Variants in FRMD4B observed in about 807,000 individuals in gnomAD.
FRMD4B encodes the protein FERM domain-containing protein 4B.
A neutral mutation model predicts 141.5 loss-of-function variants in FRMD4B; 74 were observed. The observed-to-expected ratio is 0.52, with a 90% CI of 0.43 to 0.63. The LOEUF is 0.63. Ranked by LOEUF, FRMD4B falls within the 30% of genes least tolerant of loss-of-function variation. FRMD4B has a pLI of 0.00. For missense variants in FRMD4B, 1,366 were observed against 1,253.4 expected (o/e 1.09, Z -1.36); for synonymous variants, 506 against 467.9 (o/e 1.08, Z -1.05).
intron 1 of FRMD4B, among the ~76,000 whole-genome samples, chr3:69,481,082 G>A (rs1706115236): frequency 6.6e-6 from 1 of 152,204 alleles, no homozygotes; most frequent in Admixed American, 6.5e-5. Context: ...TGTTAGGGTA[G>A]GAGTGACCTG....
At position 69,193,702 on chromosome 3, in the gene FRMD4B, C is replaced by T. The variant is rs200039017; in HGVS notation, c.1660G>A (p.Glu554Lys). Reference sequence around the variant, plus strand: ...TTCTTTCCACACCTAATTCGGTATTCGTTTATTGCATTTTCAATCTCCTGA... The same window carrying T: ...TTCTTTCCACACCTAATTCGGTATTTGTTTATTGCATTTTCAATCTCCTGA... ...KLQEIENAIN[E>K]YRIRCGKKPS... The change falls in exon 17 of 23, where the codon GAA becomes AAA. Residue 554 changes from glutamate to lysine, a missense_variant. By Grantham distance (56) the Glu-to-Lys change is moderately conservative. Coordinates refer to ENST00000398540, the MANE Select transcript of FRMD4B (RefSeq NM_015123.3). The T allele has an allele frequency of 6.1e-5, 99 of 1,613,266 alleles. No homozygotes were observed. Among genetic ancestry groups the T allele is most frequent in the Non-Finnish European group, 7.7e-5 (91 of 1,179,616 alleles).
chr3:69,181,345 G>A lies in FRMD4B; in HGVS notation c.2405C>T (p.Ser802Phe). Residue 802 changes from serine to phenylalanine, a missense_variant, in exon 21 of 23, where the codon TCC becomes TTC. Physicochemically the swap from Ser to Phe is radical, Grantham distance 155. Coordinates refer to ENST00000398540, the MANE Select transcript of FRMD4B (RefSeq NM_015123.3). ...TGTGTACCCGGCAATGTAGTAACTG[G>A]AAGACGGTGGCTCCTGACTCTTTGA... is the stretch of plus-strand genomic sequence containing the variant. The part of the protein sequence containing the change: ...VYSKSQEPPS[S>F]SYYIAGYTPY... 6.2e-7 allele frequency: 1 copy of A among 1,613,968 alleles called. No individual in the cohort carries two copies. Among genetic ancestry groups the A allele is most frequent in the Non-Finnish European group, 8.5e-7 (1 of 1,179,846 alleles).
chr3:69,401,606 G>A (rs1196724356), intron 2 of FRMD4B, among the ~76,000 whole-genome samples: 2 of 152,158 alleles, frequency 1.3e-5, no homozygotes, highest in Non-Finnish European at 2.9e-5. Flanking sequence ...CTGAAGTGCA[G>A]TGGTGCCACC....
chr3:69,299,135 A>T (rs1352608798), intron 4 of FRMD4B, among the ~76,000 whole-genome samples: 2 of 152,156 alleles, frequency 1.3e-5, no homozygotes, highest in Non-Finnish European at 2.9e-5. Flanking sequence ...GCAGAACACA[A>T]CGTAGCAAAA....
chr3:69,176,737 G>T, intron 21 of FRMD4B, 81 bp from the exon 22 acceptor site: 1 of 863,742 alleles, frequency 1.2e-6, no homozygotes. Context: ...GAGGTACATT[G>T]CAATCAGCTT....
In FRMD4B at chr3:69,268,290, C is replaced by T. The variant is rs113039768; in HGVS notation, c.502-18191G>A. Among the ~76,000 whole-genome samples the T allele has an allele frequency of 7.4e-4, 113 of 152,004 alleles. 1 individual carries two copies. Among genetic ancestry groups the T allele is most frequent in the African/African-American group, 2.4e-3 (101 of 41,312 alleles). On this transcript the variant is annotated intron_variant, in intron 5 of 22. Coordinates refer to ENST00000398540, the MANE Select transcript of FRMD4B (RefSeq NM_015123.3). ...GGCGATCTATGGCTAAATTGTTAGG[C>T]GATGCAAGACAGGCAGGCAGCCTAA... is the stretch of plus-strand genomic sequence containing the variant.
intron 19 of FRMD4B, among the ~76,000 whole-genome samples, chr3:69,187,540 C>CAA (rs1225816489): frequency 2.8e-5 from 3 of 108,076 alleles, no homozygotes; most frequent in South Asian, 3.1e-4. Flanking sequence ...AACTCCACCT[C>CAA]AAAAAAAAAA....
chr3:69,225,532 A>AAG lies in FRMD4B; in HGVS notation c.582-843_582-842insCT, dbSNP rs1220150286. On this transcript the variant is annotated intron_variant, in intron 7 of 22. Transcript: ENST00000398540. ...CTACTAAAAATACAAAAAAAAAAAA[A>AAG]AAAAAAAAAAAAATTAGCCAGGTTT... is the stretch of plus-strand genomic sequence containing the variant. Among the ~76,000 whole-genome samples, 38 of 142,870 alleles carry AAG rather than the reference A, an allele frequency of 2.7e-4. 1 individual carries two copies. In the East Asian group the frequency reaches 7.0e-3, roughly 26 times the overall value. 93.7% of individuals were successfully genotyped at this position (142,870 alleles called of 152,430 possible). A position where few individuals can be genotyped will look rare whatever the true frequency, so the allele number is the denominator to read the frequency against.
intron 11 of FRMD4B, among the ~76,000 whole-genome samples, chr3:69,211,693 G>T (rs76058030): frequency 1.1e-4 from 17 of 152,290 alleles, no homozygotes; most frequent in Admixed American, 4.6e-4. Flanking sequence ...TGGCTCAAGA[G>T]GCTGAGCACC....
At position 69,182,587 on chromosome 3, in the gene FRMD4B, A is replaced by C. The variant is rs758616374; in HGVS notation, c.2039+11T>G. The C allele has an allele frequency of 5.7e-6, 9 of 1,592,660 alleles. No individual in the cohort carries two copies. The highest frequency in any genetic ancestry group is 1.9e-5 in the Admixed American group (1 of 52,104). On this transcript the variant is annotated intron_variant, in intron 20 of 22. Transcript: ENST00000398540. ...AAGACAGCTAAAGCAATGAGAAAGA[A>C]GCTCTCTTACTCCAAGTGGCTGCTG...
At chr3:69,531,326 A>T (rs528292812) in intron 1 of FRMD4B, among the ~76,000 whole-genome samples, 1 of 152,326 alleles carries the variant, frequency 6.6e-6, no homozygotes, top group Non-Finnish European at 1.5e-5. Flanking sequence ...TACGGCACAG[A>T]ACAAAAAGCA....
chr3:69,458,877 G>A (rs1180382384), intron 1 of FRMD4B, among the ~76,000 whole-genome samples: 1 of 139,626 alleles, frequency 7.2e-6, no homozygotes, highest in South Asian at 2.3e-4. Context: ...AAAAAAAGGA[G>A]TCTAATTTGC....
At chr3:69,352,733 G>A (rs1419030802) in intron 1 of FRMD4B, among the ~76,000 whole-genome samples, 2 of 152,154 alleles carry the variant, frequency 1.3e-5, no homozygotes, top group Non-Finnish European at 1.5e-5. Flanking sequence ...TTAATTGGAA[G>A]CCGTCCCCAA....
intron 5 of FRMD4B, among the ~76,000 whole-genome samples, chr3:69,262,184 C>G (rs1187354880): frequency 1.3e-5 from 2 of 152,144 alleles, no homozygotes; most frequent in African/African-American, 4.8e-5. Context: ...CCAGGCTAGT[C>G]TTGAACTCCT....
chr3:69,386,223 C>G, upstream of FRMD4B: 1 of 433,574 alleles, frequency 2.3e-6, no homozygotes, highest in African/African-American at 2.1e-5. Context: ...CAGTGTCCAC[C>G]CCCGCCCGCT....
At chr3:69,354,580 T>C (rs1399993053) in intron 1 of FRMD4B, among the ~76,000 whole-genome samples, 1 of 152,196 alleles carries the variant, frequency 6.6e-6, no homozygotes, top group African/African-American at 2.4e-5. Context: ...CTTTGTAAAA[T>C]GGAGATAAAA....
At chr3:69,426,618 G>A (rs1705083649) in intron 2 of FRMD4B, among the ~76,000 whole-genome samples, 1 of 152,146 alleles carries the variant, frequency 6.6e-6, no homozygotes, top group South Asian at 2.1e-4. Flanking sequence ...CTTTTCTTAG[G>A]ACTAGAAGAT....
intron 2 of FRMD4B, among the ~76,000 whole-genome samples, chr3:69,430,635 T>C (rs867620280): frequency 4.6e-5 from 7 of 152,210 alleles, no homozygotes; most frequent in South Asian, 2.1e-4. Flanking sequence ...AGGGAACTTA[T>C]ACACCAGGAG....
chr3:69,443,763 A>G (rs1200029923), intron 1 of FRMD4B, among the ~76,000 whole-genome samples: 2 of 152,268 alleles, frequency 1.3e-5, no homozygotes, highest in African/African-American at 4.8e-5. Context: ...AGCTTAAAGC[A>G]AGAATGATAA....
Sources: gnomAD v4.1 joint callset for allele counts (sites outside exome capture counted in the v4.1 genomes callset) on GRCh38, gnomAD v4.1.1 for gene constraint, MANE v1.5 for transcripts, NCBI Gene and HGNC (gene_info 2026-07-23, HGNC 2026-07-21) for gene names.